Variants in ALKBH3 observed in about 807,000 individuals in gnomAD.
ALKBH3 encodes the protein alpha-ketoglutarate-dependent dioxygenase alkB homolog 3.
In ALKBH3, 51 loss-of-function variants were observed where a neutral mutation model predicts 43.9. That is an observed-to-expected ratio of 1.16 (90% CI 0.93 to 1.47). The LOEUF (loss-of-function observed/expected upper bound fraction) is 1.47, where lower values mean the gene tolerates loss of function less well. Among genes scored for constraint, ALKBH3 ranks in the 40% most tolerant of loss-of-function variants. ALKBH3 has a pLI of 0.00. For missense variants in ALKBH3, 361 were observed against 351.9 expected (o/e 1.03, Z -0.21); for synonymous variants, 102 against 115.2 (o/e 0.89, Z 0.73).
chr11:43,910,705 C>G (rs757305583), intron 8 of ALKBH3, among the ~76,000 whole-genome samples: 15 of 152,202 alleles, frequency 9.9e-5, no homozygotes, highest in South Asian at 2.1e-4. Context: ...CTTTCTTGAA[C>G]TATCTAAAGA....
At chr11:43,896,926 T>A (rs555341098) in intron 7 of ALKBH3, among the ~76,000 whole-genome samples, 10 of 152,284 alleles carry the variant, frequency 6.6e-5, no homozygotes, top group East Asian at 1.9e-4. Context: ...CTTTATTATT[T>A]TTTTTTATTT....
intron 8 of ALKBH3, among the ~76,000 whole-genome samples, chr11:43,913,299 G>C (rs1017721485): frequency 6.6e-6 from 1 of 151,864 alleles, no homozygotes; most frequent in Non-Finnish European, 1.5e-5. Context: ...TCATCACCCG[G>C]CTAATAAGCA....
At chr11:43,905,482 T>C (rs1951890096) in intron 8 of ALKBH3, among the ~76,000 whole-genome samples, 1 of 152,070 alleles carries the variant, frequency 6.6e-6, no homozygotes, top group Non-Finnish European at 1.5e-5. Flanking sequence ...GTCTGCCAAG[T>C]GCTGCTCATT....
chr11:43,884,372 C>T (rs1193860513), intron 4 of ALKBH3, among the ~76,000 whole-genome samples: 1 of 109,734 alleles, frequency 9.1e-6, no homozygotes, highest in Admixed American at 1.3e-4. Flanking sequence ...CCATTAATTG[C>T]CTCTTTTTTT....
intron 7 of ALKBH3, chr11:43,898,185 T>C: frequency 1.6e-6 from 2 of 1,219,632 alleles, no homozygotes; most frequent in South Asian, 1.2e-5. Flanking sequence ...GCGATTTGAC[T>C]CCGCTGCAGG....
chr11:43,884,084 C>T, intron 4 of ALKBH3, 67 bp downstream of exon 4: 1 of 1,585,552 alleles, frequency 6.3e-7, no homozygotes, highest in South Asian at 1.1e-5. Context: ...AATCTTTCCT[C>T]ACTGTTTTTT....
chr11:43,882,680 G>A lies in ALKBH3; in HGVS notation c.28G>A (p.Val10Ile). The A allele has an allele frequency of 1.2e-6, 2 of 1,613,668 alleles. No individual in the cohort carries two copies. Among genetic ancestry groups the A allele is most frequent in the Non-Finnish European group, 1.7e-6 (2 of 1,179,850 alleles). Residue 10 changes from valine to isoleucine, a missense_variant, in exon 2 of 10, where the codon GTT becomes ATT. By Grantham distance (29) the Val-to-Ile change is conservative (BLOSUM62 3). Transcript: ENST00000302708. MEEKRRRARVQGAWAAPVKS... is the reference protein window; with the variant it reads MEEKRRRARIQGAWAAPVKS... ...GGAGGAAAAAAGACGGCGAGCCCGAGTTCAGGGAGCCTGGGCTGCCCCTGT... is the reference window on the plus strand; with the variant it reads ...GGAGGAAAAAAGACGGCGAGCCCGAATTCAGGGAGCCTGGGCTGCCCCTGT...
At chr11:43,882,755 G>A (rs767069098) in intron 2 of ALKBH3, 24 bp downstream of exon 2, 3 of 1,603,400 alleles carry the variant, frequency 1.9e-6, no homozygotes, top group Admixed American at 3.5e-5. Context: ...GGGATTTTGT[G>A]TGTGTGTGGA....
At chr11:43,885,286 A>G (rs909713470) in intron 4 of ALKBH3, among the ~76,000 whole-genome samples, 1 of 152,234 alleles carries the variant, frequency 6.6e-6, no homozygotes, top group African/African-American at 2.4e-5. Context: ...AATGTCTTCC[A>G]TATTTAAAGT....
intron 7 of ALKBH3, chr11:43,897,604 G>A (rs1951828578): frequency 3.5e-6 from 3 of 864,968 alleles, no homozygotes; most frequent in Non-Finnish European, 6.0e-6. Flanking sequence ...AGTGAAGATG[G>A]GGCTGTTCAT....
chr11:43,919,210 T>G lies in ALKBH3; in HGVS notation c.768+74T>G. The G allele has an allele frequency of 3.1e-6, 4 of 1,296,676 alleles. No individual in the cohort carries two copies. In the East Asian group the frequency reaches 9.3e-5, roughly 30 times the overall value. The allele number at this position is 1,296,676 out of a possible 1,614,324, so 80.3% of individuals were successfully genotyped here. ...CCTGACTCTGAGGACTATTTCTAAG[T>G]AGACATGGTGAAAAGCAAGCTGCTT... On this transcript the variant is annotated intron_variant, in intron 9 of 9. Transcript: ENST00000302708.
chr11:43,907,771 G>A (rs886311283), intron 8 of ALKBH3, among the ~76,000 whole-genome samples: 1 of 152,110 alleles, frequency 6.6e-6, no homozygotes, highest in Non-Finnish European at 1.5e-5. Context: ...GGGAGAGTGG[G>A]CAGGCACCAG....
intron 8 of ALKBH3, among the ~76,000 whole-genome samples, chr11:43,903,739 C>G (rs1159209967): frequency 2.0e-5 from 3 of 152,094 alleles, no homozygotes; most frequent in Non-Finnish European, 4.4e-5. Flanking sequence ...TCACCACCAC[C>G]ATGCCCCTTT....
chr11:43,898,580 T>C (rs1485873599), intron 7 of ALKBH3: 2 of 761,086 alleles, frequency 2.6e-6, no homozygotes, highest in Middle Eastern at 2.7e-4. Flanking sequence ...AATACAAAAG[T>C]CTTTGTTTGG....
Position 43,901,514 on chromosome 11 carries a change from A to C in ALKBH3, c.460-2A>C, listed in dbSNP as rs776370099. On this transcript the variant is annotated splice_acceptor_variant, in intron 7 of 9. Coordinates refer to ENST00000302708, the MANE Select transcript of ALKBH3 (RefSeq NM_139178.4). LOFTEE classifies it high-confidence loss of function. ...GCCCTTTTCTTGGTCTGTGGATTGC[A>C]GTGGCACCCTGTGCTGCGCACACTA... is the stretch of plus-strand genomic sequence containing the variant. 7.6e-5 allele frequency: 122 copies of C among 1,613,068 alleles called. No individual in the cohort carries two copies. The highest frequency in any genetic ancestry group is 1.0e-4 in the Non-Finnish European group (121 of 1,179,954).
At chr11:43,888,325 A>T (rs61883990) in intron 5 of ALKBH3, among the ~76,000 whole-genome samples, 2 of 22,758 alleles carry the variant, frequency 8.8e-5, no homozygotes, top group Non-Finnish European at 2.7e-4. Context: ...CTGGCCTTGA[A>T]CTCCTGGGCT....
At position 43,884,402 on chromosome 11, in the gene ALKBH3, A is replaced by G. The variant is rs1025607044; in HGVS notation, c.218+385A>G. On this transcript the variant is annotated intron_variant, in intron 4 of 9. Transcript: ENST00000302708. ...TTTTTTTTTTTTTTTTTTTACTAGC[A>G]ATGCTATGAAAGCTGCTAGTGCTGT... Among the ~76,000 whole-genome samples, 8 of 148,398 alleles carry G rather than the reference A, an allele frequency of 5.4e-5. No homozygotes were observed. The Admixed American group carries it at 5.4e-4, about 10-fold the overall frequency.
intron 8 of ALKBH3, chr11:43,910,214 G>GTTCTCTACATTATTTTTTA (rs1565129159): frequency 6.6e-6 from 1 of 152,032 alleles, no homozygotes; most frequent in African/African-American, 2.4e-5. Context: ...TTCTGTTATT[G>GTTCTCTACATTATTTTTTA]TTCTCTACAT....
At chr11:43,916,686 C>G (rs1476234015) in intron 8 of ALKBH3, 2 of 152,244 alleles carry the variant, frequency 1.3e-5, no homozygotes, top group Non-Finnish European at 2.9e-5. Flanking sequence ...TCCACTGTTG[C>G]TTATCCATTT....
Sources: allele counts gnomAD v4.1 joint callset (sites outside exome capture counted in the v4.1 genomes callset), GRCh38; gene constraint gnomAD v4.1.1; transcripts MANE v1.5; gene names NCBI Gene and HGNC (gene_info 2026-07-23, HGNC 2026-07-21).